Variants in ADD3 observed in about 807,000 individuals in gnomAD.
ADD3 encodes the protein gamma-adducin.
In ADD3, 25 loss-of-function variants were observed where a neutral mutation model predicts 80.2. The ratio of observed to expected loss-of-function variants is 0.31; its 90% CI spans 0.23 to 0.44. The LOEUF (loss-of-function observed/expected upper bound fraction) is 0.44. Among genes scored for constraint, ADD3 ranks in the 20% least tolerant of loss-of-function variants. The pLI is 1.00. For synonymous variants in ADD3, 284 were observed against 289.6 expected, an observed-to-expected ratio of 0.98 and a Z score of 0.20; for missense variants, 829 against 847.5, an observed-to-expected ratio of 0.98 and a Z score of 0.27.
chr10:110,074,056 T>C (rs563297543), intron 1 of ADD3, among the ~76,000 whole-genome samples: 1 of 152,308 alleles, frequency 6.6e-6, no homozygotes, highest in African/African-American at 2.4e-5. Context: ...AAGTCACTAA[T>C]AGTTATACCA....
At chr10:110,059,037 T>C (rs1858553875) in intron 1 of ADD3, among the ~76,000 whole-genome samples, 1 of 152,234 alleles carries the variant, frequency 6.6e-6, no homozygotes, top group Non-Finnish European at 1.5e-5. Context: ...AGTGCTCTCT[T>C]TTCACCTCCA....
intron 1 of ADD3, among the ~76,000 whole-genome samples, chr10:110,080,000 G>A (rs12263928): frequency 0.12 from 18,933 of 152,098 alleles, 3,767 homozygotes; most frequent in African/African-American, 0.42. Flanking sequence ...TCCTACCTCC[G>A]TTTTGGGATA....
chr10:110,051,450 C>A (rs1857504902), intron 1 of ADD3, among the ~76,000 whole-genome samples: 1 of 152,028 alleles, frequency 6.6e-6, no homozygotes, highest in Admixed American at 6.5e-5. Flanking sequence ...TAAATATTTG[C>A]AAATAAGTAT....
intron 1 of ADD3, among the ~76,000 whole-genome samples, chr10:110,046,375 A>G (rs553902951): frequency 2.0e-5 from 3 of 151,928 alleles, no homozygotes; most frequent in African/African-American, 7.2e-5. Context: ...CTTCCAGTCA[A>G]TAGTAGGCTA....
At chr10:110,052,901 T>G (rs1000414719) in intron 1 of ADD3, among the ~76,000 whole-genome samples, 2 of 151,982 alleles carry the variant, frequency 1.3e-5, no homozygotes, top group Admixed American at 1.3e-4. Flanking sequence ...TCAAATGGAG[T>G]GCAGGAACAA....
At chr10:110,014,296 T>G (rs1259356400) in intron 1 of ADD3, among the ~76,000 whole-genome samples, 1 of 152,170 alleles carries the variant, frequency 6.6e-6, no homozygotes, top group African/African-American at 2.4e-5. Flanking sequence ...CCTTTTAATA[T>G]CTAAGGAGGT....
At chr10:110,067,371 A>G (rs748575423) in intron 1 of ADD3, among the ~76,000 whole-genome samples, 6 of 152,344 alleles carry the variant, frequency 3.9e-5, no homozygotes, top group Non-Finnish European at 5.9e-5. Flanking sequence ...TGCAGTTTTT[A>G]TAAACTTTAA....
chr10:110,011,736 T>C (rs1483553442), intron 1 of ADD3, among the ~76,000 whole-genome samples: 1 of 152,244 alleles, frequency 6.6e-6, no homozygotes, highest in Admixed American at 6.5e-5. Context: ...AATTGGACAG[T>C]CCTAGACTGT....
intron 1 of ADD3, among the ~76,000 whole-genome samples, chr10:110,025,955 A>G (rs7093472): frequency 0.12 from 18,938 of 152,128 alleles, 3,769 homozygotes; most frequent in African/African-American, 0.42. Context: ...GAATTTGGGA[A>G]AGTTTTGTGA....
intron 1 of ADD3, among the ~76,000 whole-genome samples, chr10:110,045,222 C>T (rs576358957): frequency 2.6e-5 from 4 of 152,100 alleles, no homozygotes; most frequent in Non-Finnish European, 4.4e-5. Context: ...GGCATGGTGG[C>T]GTGCGCCTGT....
chr10:110,044,751 C>G (rs1285795183), intron 1 of ADD3, among the ~76,000 whole-genome samples: 1 of 152,108 alleles, frequency 6.6e-6, no homozygotes, highest in Non-Finnish European at 1.5e-5. Context: ...TAATAAGACC[C>G]TTTTAATTCA....
chr10:110,037,728 T>C (rs1384139751), intron 1 of ADD3, among the ~76,000 whole-genome samples: 1 of 152,210 alleles, frequency 6.6e-6, no homozygotes, highest in Non-Finnish European at 1.5e-5. Flanking sequence ...TATTTTTATG[T>C]ATGTTTGTTT....
chr10:110,047,507 C>T (rs528359593), intron 1 of ADD3, among the ~76,000 whole-genome samples: 26 of 152,308 alleles, frequency 1.7e-4, no homozygotes, highest in African/African-American at 5.8e-4. Context: ...TCTTCTAAAT[C>T]AGAACCTCTG....
At chr10:110,122,385 C>A in intron 9 of ADD3, 93 bp downstream of exon 9, 2 of 1,156,486 alleles carry the variant, frequency 1.7e-6, no homozygotes, top group Non-Finnish European at 1.2e-6. Flanking sequence ...CCATACTCTT[C>A]CAGAAGCTGA....
chr10:110,060,191 T>G lies in ADD3; in HGVS notation c.-29-40434T>G, dbSNP rs551460035. Among the ~76,000 whole-genome samples, 73 of 152,370 alleles carry G rather than the reference T, an allele frequency of 4.8e-4. No homozygotes were observed. In the South Asian group the frequency reaches 0.014, roughly 30 times the overall value. ...AGCTTGACAGATCACAGCTGTATCCTGTACTTTGTGTGAAAATGTACTTGC... is the reference window on the plus strand; with the variant it reads ...AGCTTGACAGATCACAGCTGTATCCGGTACTTTGTGTGAAAATGTACTTGC... On this transcript the variant is annotated intron_variant, in intron 1 of 14. Transcript: ENST00000356080.
chr10:110,074,937 A>C (rs539576636), intron 1 of ADD3, among the ~76,000 whole-genome samples: 1 of 152,342 alleles, frequency 6.6e-6, no homozygotes, highest in African/African-American at 2.4e-5. Context: ...ACCCTAGAAG[A>C]TTGGATCTGT....
chr10:110,086,506 G>A (rs928352528), intron 1 of ADD3, among the ~76,000 whole-genome samples: 19 of 152,182 alleles, frequency 1.2e-4, no homozygotes, highest in African/African-American at 4.6e-4. Flanking sequence ...TGGAGGTGGG[G>A]TCTGGCAGGA....
intron 1 of ADD3, among the ~76,000 whole-genome samples, chr10:110,024,366 A>C (rs1475007337): frequency 6.6e-6 from 1 of 152,012 alleles, no homozygotes; most frequent in Non-Finnish European, 1.5e-5. Context: ...AATTATTGCC[A>C]AAAAAAATCA....
At chr10:110,036,580 G>A (rs545511523) in intron 1 of ADD3, among the ~76,000 whole-genome samples, 66 of 151,412 alleles carry the variant, frequency 4.4e-4, no homozygotes, top group African/African-American at 1.6e-3. Context: ...GGGTTTCACC[G>A]TAAGGATGGT....
Sources: gnomAD v4.1 joint callset for allele counts (sites outside exome capture counted in the v4.1 genomes callset) on GRCh38, gnomAD v4.1.1 for gene constraint, MANE v1.5 for transcripts, NCBI Gene and HGNC (gene_info 2026-07-23, HGNC 2026-07-21) for gene names.